MAST4: variants seen among roughly 807,000 people sequenced by gnomAD.
The protein encoded by MAST4 is microtubule associated serine/threonine kinase family member 4.
MAST4 carries 89 observed loss-of-function variants against 162.7 expected under a neutral mutation model. The observed-to-expected ratio is 0.55, with a 90% CI of 0.46 to 0.65. The LOEUF is 0.65. Ranked by LOEUF, MAST4 falls within the 30% of genes least tolerant of loss-of-function variation. MAST4 has a pLI of 0.00. For synonymous variants in MAST4, 1,479 were observed against 1,361.1 expected (o/e 1.09, Z -1.91); for missense variants, 3,153 against 3,374.0 (o/e 0.93, Z 1.62).
chr5:66,643,661 A>G (rs1243505335), intron 1 of MAST4, among the ~76,000 whole-genome samples: 1 of 151,872 alleles, frequency 6.6e-6, no homozygotes, highest in African/African-American at 2.4e-5. Context: ...CCCTTTTGAC[A>G]TGCTTTTTGT....
intron 1 of MAST4, among the ~76,000 whole-genome samples, chr5:66,738,724 G>A (rs115352388): frequency 1.2e-3 from 186 of 152,340 alleles, no homozygotes; most frequent in African/African-American, 4.4e-3. Context: ...CTCCGACACA[G>A]GTCTGCTTTC....
intron 3 of MAST4, among the ~76,000 whole-genome samples, chr5:66,888,440 A>G (rs1423574793): frequency 1.3e-5 from 2 of 152,226 alleles, no homozygotes; most frequent in African/African-American, 4.8e-5. Context: ...CTGCTAGATA[A>G]ACCACAAGGT....
At chr5:66,654,743 T>A (rs1404264388) in intron 1 of MAST4, among the ~76,000 whole-genome samples, 1 of 152,182 alleles carries the variant, frequency 6.6e-6, no homozygotes, top group African/African-American at 2.4e-5. Context: ...AGATTGTTTT[T>A]AAGCAGGAAA....
intron 3 of MAST4, among the ~76,000 whole-genome samples, chr5:66,857,769 A>G (rs1314049649): frequency 6.6e-6 from 1 of 152,106 alleles, no homozygotes; most frequent in Non-Finnish European, 1.5e-5. Flanking sequence ...TAGATATTAG[A>G]AATATCTTAT....
chr5:67,104,679 A>G, intron 10 of MAST4, 104 bp downstream of exon 10: 1 of 754,054 alleles, frequency 1.3e-6, no homozygotes, highest in East Asian at 2.7e-5. Context: ...TTCACATTCC[A>G]GAGAAGCAAA....
At chr5:66,959,357 A>G (rs1745720108) in intron 4 of MAST4, 3 of 777,052 alleles carry the variant, frequency 3.9e-6, no homozygotes, top group Non-Finnish European at 4.8e-6. Context: ...TCTGGCGACC[A>G]ATAGCTATTT....
chr5:66,957,081 G>A (rs1476110836), intron 4 of MAST4, among the ~76,000 whole-genome samples: 2 of 152,108 alleles, frequency 1.3e-5, no homozygotes, highest in East Asian at 3.9e-4. Context: ...GTAGTCCATT[G>A]GCTATATGGA....
chr5:66,952,544 T>G (rs1404881134), intron 4 of MAST4, among the ~76,000 whole-genome samples: 1 of 152,190 alleles, frequency 6.6e-6, no homozygotes, highest in East Asian at 1.9e-4. Flanking sequence ...CATTAACTTT[T>G]ATTCTACTCT....
chr5:67,035,553 A>T (rs945254826), intron 4 of MAST4, among the ~76,000 whole-genome samples: 5 of 152,090 alleles, frequency 3.3e-5, no homozygotes, highest in Non-Finnish European at 7.4e-5. Context: ...ACCAGGAATC[A>T]CTTCCTACTC....
At chr5:67,083,281 A>G (rs1487966619) in intron 5 of MAST4, among the ~76,000 whole-genome samples, 1 of 152,240 alleles carries the variant, frequency 6.6e-6, no homozygotes, top group Non-Finnish European at 1.5e-5. Context: ...ACACCTTTGC[A>G]CATATTTTGC....
At chr5:66,915,880 A>G (rs1343473715) in intron 4 of MAST4, among the ~76,000 whole-genome samples, 2 of 152,162 alleles carry the variant, frequency 1.3e-5, no homozygotes, top group Non-Finnish European at 2.9e-5. Context: ...TTCTTCTCCT[A>G]CCATTATGGG....
intron 3 of MAST4, among the ~76,000 whole-genome samples, chr5:66,846,829 G>A (rs1322324152): frequency 1.3e-5 from 2 of 152,172 alleles, no homozygotes; most frequent in Non-Finnish European, 2.9e-5. Context: ...GTAAAATGGT[G>A]TCTGGAACAT....
At chr5:66,963,011 G>C (rs542378183) in intron 4 of MAST4, among the ~76,000 whole-genome samples, 5 of 143,844 alleles carry the variant, frequency 3.5e-5, no homozygotes, top group Non-Finnish European at 7.7e-5. Context: ...ACACTGTGAT[G>C]AATATTTGAG....
At chr5:67,133,813 G>A (rs1393605505) in intron 17 of MAST4, among the ~76,000 whole-genome samples, 167 bp downstream of exon 17, 1 of 151,914 alleles carries the variant, frequency 6.6e-6, no homozygotes, top group Non-Finnish European at 1.5e-5. Context: ...TTTCTCCCTG[G>A]GCCTCTTTGA....
intron 26 of MAST4, among the ~76,000 whole-genome samples, chr5:67,160,130 G>C (rs1166638369): frequency 6.6e-6 from 1 of 152,192 alleles, no homozygotes; most frequent in Non-Finnish European, 1.5e-5. Flanking sequence ...CCTCAAATGA[G>C]CCCCAGGAGA....
intron 1 of MAST4, among the ~76,000 whole-genome samples, chr5:66,705,120 C>T (rs1170051252): frequency 6.6e-6 from 1 of 152,186 alleles, no homozygotes; most frequent in African/African-American, 2.4e-5. Flanking sequence ...TCCCGTAAGC[C>T]ATCTCTAGAG....
rs191200386 is a variant in MAST4 at position 66,981,518 on chromosome 5, T to C, written c.675-72886T>C. 5.3e-5 allele frequency among the ~76,000 whole-genome samples: 8 copies of C among 152,326 alleles called. 1 individual carries two copies. The South Asian group carries it at 6.2e-4, about 12-fold the overall frequency. On this transcript the variant is annotated intron_variant, in intron 4 of 28. Coordinates refer to ENST00000403625, the MANE Select transcript of MAST4 (RefSeq NM_001164664.2). Reference sequence around the variant, plus strand: ...GGATGGGGGTGGGGATGGCAGCACCTGCGCCAGGGATTTGCCAATGGAAAT... The same window carrying C: ...GGATGGGGGTGGGGATGGCAGCACCCGCGCCAGGGATTTGCCAATGGAAAT...
At chr5:66,942,962 C>G (rs1014694503) in intron 4 of MAST4, among the ~76,000 whole-genome samples, 1 of 152,076 alleles carries the variant, frequency 6.6e-6, no homozygotes, top group Non-Finnish European at 1.5e-5. Context: ...TGGCCATCTT[C>G]TTGCTATGTC....
intron 4 of MAST4, among the ~76,000 whole-genome samples, chr5:66,909,771 G>A (rs1035194037): frequency 4.9e-5 from 7 of 142,456 alleles, no homozygotes; most frequent in African/African-American, 1.4e-4. Flanking sequence ...AAATCCCCAC[G>A]TCAAAGGTAG....
Sources: gnomAD v4.1 joint callset for allele counts (sites outside exome capture counted in the v4.1 genomes callset) on GRCh38, gnomAD v4.1.1 for gene constraint, MANE v1.5 for transcripts, NCBI Gene and HGNC (gene_info 2026-07-23, HGNC 2026-07-21) for gene names.